CCDC191: variants seen among roughly 807,000 people sequenced by gnomAD.
CCDC191 encodes coiled-coil domain containing 191, also known as coiled-coil domain-containing protein 191.
CCDC191 carries 99 observed loss-of-function variants against 114.0 expected under a neutral mutation model. The observed-to-expected ratio is 0.87, with a 90% confidence interval of 0.74 to 1.03. The LOEUF (loss-of-function observed/expected upper bound fraction) is 1.03. CCDC191 is among the 50% of genes least tolerant of loss of function. The pLI is 0.00. For synonymous variants in CCDC191, 351 were observed against 376.0 expected (o/e 0.93, Z 0.77); for missense variants, 973 against 1,087.0 (o/e 0.90, Z 1.47).
At chr3:114,005,479 T>C (rs2075937134) in intron 10 of CCDC191, 29 bp downstream of exon 10, 1 of 1,567,234 alleles carries the variant, frequency 6.4e-7, no homozygotes, top group South Asian at 1.2e-5. Context: ...TTAAAATGAG[T>C]CCAGCGAGTT....
intron 3 of CCDC191, among the ~76,000 whole-genome samples, chr3:114,043,894 A>G (rs1401778652): frequency 6.6e-6 from 1 of 152,102 alleles, no homozygotes; most frequent in Non-Finnish European, 1.5e-5. Context: ...GAGAGAAAGA[A>G]ATCTATGAGT....
At position 113,965,213 on chromosome 3, in the gene CCDC191, TC is replaced by T. The variant is rs1163843548; in HGVS notation, c.2752del (p.Glu918SerfsTer11). 6.2e-7 allele frequency: 1 copy of T among 1,611,862 alleles called. No homozygotes were observed. ...CCAAGTATCTGATTGCTGATATAGC[TC>T]GTGGTACCTTCCAGGTACCTGGAAG... is the stretch of plus-strand genomic sequence containing the variant. ...PDFQVPGRYH[E>X]LYQQSDTWSL... On this transcript the variant is annotated frameshift_variant, in exon 17 of 17. Coordinates refer to ENST00000295878, the MANE Select transcript of CCDC191 (RefSeq NM_020817.2). LOFTEE classifies it low-confidence loss of function (END_TRUNC).
At chr3:114,033,840 C>T (rs2076442328) in intron 6 of CCDC191, among the ~76,000 whole-genome samples, 1 of 152,112 alleles carries the variant, frequency 6.6e-6, no homozygotes, top group African/African-American at 2.4e-5. Flanking sequence ...AAGCACATGT[C>T]CACTGCTGAG....
Position 114,046,712 on chromosome 3 carries a change from C to T in CCDC191, c.150G>A (p.Glu50=), listed in dbSNP as rs996419783. The change falls in exon 3 of 17, where the codon GAG becomes GAA. Residue 50 remains glutamate (E), a synonymous_variant. Transcript: ENST00000295878. ...HWIKRVEKAS[E]FAVSNAFFTR... is the part of the protein sequence containing the mutation. ...TAAAAAATGCATTTGACACTGCAAACTCTGAGGCTTTCTCCACTCTCTTCA... is the reference window on the plus strand; with the variant it reads ...TAAAAAATGCATTTGACACTGCAAATTCTGAGGCTTTCTCCACTCTCTTCA... 2 of 1,612,056 alleles carry T rather than the reference C, an allele frequency of 1.2e-6. No homozygotes were observed. The highest frequency in any genetic ancestry group is 1.3e-5 in the African/African-American group (1 of 74,840).
intron 1 of CCDC191, among the ~76,000 whole-genome samples, chr3:114,054,781 T>C (rs1362322463): frequency 6.6e-6 from 1 of 152,144 alleles, no homozygotes; most frequent in East Asian, 1.9e-4. Context: ...AAATTAGAAG[T>C]AAAACTATCA....
intron 2 of CCDC191, 191 bp from the exon 3 acceptor site, chr3:114,046,923 A>G: frequency 1.0e-6 from 1 of 966,764 alleles, no homozygotes; most frequent in Non-Finnish European, 1.2e-6. Flanking sequence ...TATAATATTA[A>G]ATTAATTGCA....
intron 13 of CCDC191, among the ~76,000 whole-genome samples, chr3:113,984,971 A>AG (rs2075299374): frequency 6.6e-6 from 1 of 152,196 alleles, no homozygotes; most frequent in Non-Finnish European, 1.5e-5. Context: ...AGGGAGGCAC[A>AG]GGACCTAAGC....
intron 13 of CCDC191, among the ~76,000 whole-genome samples, chr3:113,992,904 G>A (rs1007148137): frequency 6.6e-6 from 1 of 152,028 alleles, no homozygotes; most frequent in Non-Finnish European, 1.5e-5. Flanking sequence ...CAAAAATCCT[G>A]AACAAAATAG....
chr3:113,974,226 T>C (rs536978032), intron 16 of CCDC191, among the ~76,000 whole-genome samples: 4 of 152,264 alleles, frequency 2.6e-5, no homozygotes, highest in Non-Finnish European at 4.4e-5. Context: ...ATTTTGAATG[T>C]TGGTTAGAGT....
At chr3:114,002,215 C>T (rs2107658552) in intron 12 of CCDC191, among the ~76,000 whole-genome samples, 1 of 152,278 alleles carries the variant, frequency 6.6e-6, no homozygotes, top group Non-Finnish European at 1.5e-5. Flanking sequence ...ATCTTCTAAT[C>T]TGCTGACTCT....
At chr3:113,967,786 C>T (rs1940363337) in intron 16 of CCDC191, among the ~76,000 whole-genome samples, 1 of 152,158 alleles carries the variant, frequency 6.6e-6, no homozygotes, top group East Asian at 1.9e-4. Flanking sequence ...TCTTCATCCA[C>T]CTCCCAACCT....
chr3:113,969,506 A>G (rs1205635260), intron 16 of CCDC191, among the ~76,000 whole-genome samples: 3 of 152,118 alleles, frequency 2.0e-5, no homozygotes, highest in Non-Finnish European at 4.4e-5. Context: ...TCTGTAACCC[A>G]TTTGGATTTG....
intron 2 of CCDC191, among the ~76,000 whole-genome samples, chr3:114,049,778 T>C (rs534672014): frequency 6.6e-6 from 1 of 152,348 alleles, no homozygotes; most frequent in African/African-American, 2.4e-5. Context: ...ATCTCTATAT[T>C]TGTTTGTGTT....
intron 13 of CCDC191, among the ~76,000 whole-genome samples, chr3:113,989,638 A>T (rs1258762967): frequency 4.6e-5 from 7 of 152,226 alleles, no homozygotes; most frequent in Non-Finnish European, 1.0e-4. Context: ...TCAAAATATG[A>T]TATACAAGTA....
intron 14 of CCDC191, 123 bp downstream of exon 14, chr3:113,980,527 C>G (rs2075109896): frequency 1.1e-6 from 1 of 901,502 alleles, no homozygotes; most frequent in Non-Finnish European, 1.6e-6. Flanking sequence ...TACACACATT[C>G]AATTAATTTA....
intron 14 of CCDC191, among the ~76,000 whole-genome samples, chr3:113,980,061 T>G (rs1030374849): frequency 6.6e-6 from 1 of 152,224 alleles, no homozygotes; most frequent in Non-Finnish European, 1.5e-5. Flanking sequence ...CTCAATGACT[T>G]TGAGCTTGGC....
At chr3:114,056,534 G>C (rs765828818), upstream of CCDC191, 38 of 1,610,702 alleles carry the variant, frequency 2.4e-5, no homozygotes, top group Admixed American at 1.0e-4. Flanking sequence ...GCTGCCTCCG[G>C]GTCACGCTGG....
intron 3 of CCDC191, among the ~76,000 whole-genome samples, chr3:114,044,201 G>A (rs2076600119): frequency 6.6e-6 from 1 of 152,110 alleles, no homozygotes; most frequent in South Asian, 2.1e-4. Context: ...CACAGAGGAG[G>A]TTCAAGGACT....
rs1324307032 is a variant in CCDC191 at position 114,041,524 on chromosome 3, C to T, written c.415+1179G>A. Reference sequence around the variant, plus strand: ...GAATGGGCTCTACCCAAAGTGTAGGCTCCCAATCCCGGAAGGTGTTCAGGC... The same window carrying T: ...GAATGGGCTCTACCCAAAGTGTAGGTTCCCAATCCCGGAAGGTGTTCAGGC... On this transcript the variant is annotated intron_variant, in intron 4 of 16. Coordinates refer to ENST00000295878, the MANE Select transcript of CCDC191 (RefSeq NM_020817.2). Among the ~76,000 whole-genome samples, 4 of 152,152 alleles carry T rather than the reference C, an allele frequency of 2.6e-5. No individual in the cohort carries two copies. In the East Asian group the frequency reaches 7.7e-4, roughly 29 times the overall value.
Sources: allele counts gnomAD v4.1 joint callset (sites outside exome capture counted in the v4.1 genomes callset), GRCh38; gene constraint gnomAD v4.1.1; transcripts MANE v1.5; gene names NCBI Gene and HGNC (gene_info 2026-07-23, HGNC 2026-07-21).